Variants in ANK2 observed in about 807,000 individuals in gnomAD.
ANK2 encodes the protein ankyrin 2.
Under a neutral mutation model 360.5 loss-of-function variants are expected in ANK2, and 83 were observed. That is an observed-to-expected ratio of 0.23 (90% CI 0.19 to 0.28). The LOEUF is 0.28. Ranked by LOEUF, ANK2 falls within the 10% of genes least tolerant of loss-of-function variation. The pLI, the probability that ANK2 is intolerant of heterozygous loss-of-function variation, is 1.00. For synonymous variants in ANK2, 1,740 were observed against 1,759.5 expected (o/e 0.99, Z 0.28); for missense variants, 4,201 against 4,795.7 (o/e 0.88, Z 3.66).
chr4:112,886,159 C>T (rs1422397782), intron 1 of ANK2, among the ~76,000 whole-genome samples: 1 of 152,062 alleles, frequency 6.6e-6, no homozygotes, highest in Admixed American at 6.6e-5. Context: ...CTGATCTGCA[C>T]GTGTATAGGT....
intron 2 of ANK2, among the ~76,000 whole-genome samples, chr4:113,182,576 G>A (rs1054311998): frequency 2.6e-5 from 4 of 151,338 alleles, no homozygotes; most frequent in African/African-American, 7.3e-5. Flanking sequence ...CAGGGATGTA[G>A]GAGGAAAACC....
upstream of ANK2, among the ~76,000 whole-genome samples, chr4:112,814,913 G>C (rs1034741561): frequency 1.6e-4 from 25 of 152,162 alleles, no homozygotes; most frequent in African/African-American, 5.3e-4. Context: ...ACTGTATGGG[G>C]GGTGTTGGTA....
the ANK2 span, among the ~76,000 whole-genome samples, chr4:112,708,612 T>C: frequency 1.3e-5 from 2 of 152,276 alleles, no homozygotes; most frequent in South Asian, 2.1e-4. Context: ...CTAAAGATAA[T>C]GAAATGAAGA....
intron 38 of ANK2, among the ~76,000 whole-genome samples, chr4:113,360,518 G>A (rs1167630951): frequency 6.6e-6 from 1 of 151,944 alleles, no homozygotes; most frequent in Non-Finnish European, 1.5e-5. Flanking sequence ...GGTCTTCTTG[G>A]TGGGCAGTAT....
intron 1 of ANK2, among the ~76,000 whole-genome samples, chr4:113,154,724 C>T (rs1331863430): frequency 6.6e-6 from 1 of 152,112 alleles, no homozygotes; most frequent in Non-Finnish European, 1.5e-5. Flanking sequence ...TGTTTTGTAA[C>T]ATATACATAG....
chr4:112,774,966 A>T, the ANK2 span, among the ~76,000 whole-genome samples: 1 of 152,154 alleles, frequency 6.6e-6, no homozygotes, highest in Non-Finnish European at 1.5e-5. Context: ...ATTTTTAAAG[A>T]CTCAACTGAA....
intron 38 of ANK2, 54 bp downstream of exon 38, chr4:113,359,353 A>C (rs578091693): frequency 1.9e-6 from 3 of 1,604,134 alleles, no homozygotes; most frequent in East Asian, 4.5e-5. Flanking sequence ...AAATTGATAT[A>C]GTTTTTTTGT....
chr4:112,713,802 C>T, the ANK2 span, among the ~76,000 whole-genome samples: 1 of 151,750 alleles, frequency 6.6e-6, no homozygotes, highest in African/African-American at 2.4e-5. Context: ...GGCGTGGTGG[C>T]AGGCGCCTGT....
chr4:112,766,461 G>T, the ANK2 span, among the ~76,000 whole-genome samples: 1 of 152,102 alleles, frequency 6.6e-6, no homozygotes, highest in South Asian at 2.1e-4. Context: ...GAAAAATTCA[G>T]CTTATACTGG....
In ANK2 at chr4:113,257,213, TG is replaced by T. The variant is rs542305749; in HGVS notation, c.1189-836del. Among the ~76,000 whole-genome samples, 59 of 152,266 alleles carry T rather than the reference TG, an allele frequency of 3.9e-4. 1 individual carries two copies. In the South Asian group the frequency reaches 0.012, roughly 30 times the overall value. ...CAGAATAGACATAACAAAGGAACAT[TG>T]TTGAAATAAAAAAAATATATAATAC... On this transcript the variant is annotated intron_variant, in intron 11 of 45. Transcript: ENST00000357077.
intron 1 of ANK2, among the ~76,000 whole-genome samples, chr4:112,829,161 A>AAATG (rs2059115466): frequency 6.6e-6 from 1 of 152,148 alleles, no homozygotes. Context: ...TCAAAAATAT[A>AAATG]AATGAATGAG....
chr4:113,311,344 T>C lies in ANK2; in HGVS notation c.2638T>C (p.Phe880Leu), dbSNP rs966479952. Reference sequence around the variant, plus strand: ...TGATGACTCACTACCCAGCAGTCAGTTCCTGGATGGTATGAATTACCTGCG... The same window carrying C: ...TGATGACTCACTACCCAGCAGTCAGCTCCTGGATGGTATGAATTACCTGCG... ...LGDDSLPSSQ[F>L]LDGMNYLRYS... The change falls in exon 24 of 46, where the codon TTC becomes CTC. Residue 880 changes from phenylalanine to leucine, a missense_variant. Phe to Leu is a conservative substitution (Grantham distance 22). This residue lies in a region of ANK2 where 1,268 missense variants were observed against 1,650.8 expected (regional missense o/e 0.77). Transcript: ENST00000357077. The C allele has an allele frequency of 6.2e-7, 1 of 1,613,998 alleles. No homozygotes were observed. Among genetic ancestry groups the C allele is most frequent in the African/African-American group, 1.3e-5 (1 of 74,912 alleles).
chr4:112,932,606 G>A (rs768858206), intron 2 of ANK2, among the ~76,000 whole-genome samples: 3 of 150,614 alleles, frequency 2.0e-5, no homozygotes, highest in Non-Finnish European at 4.4e-5. Flanking sequence ...ATAAGTTTTA[G>A]TGTTAGTCCA....
chr4:113,216,006 A>G (rs1207083751), intron 4 of ANK2, among the ~76,000 whole-genome samples: 1 of 152,190 alleles, frequency 6.6e-6, no homozygotes, highest in Non-Finnish European at 1.5e-5. Context: ...ATAAAGGATT[A>G]TCTGCTTAGA....
intron 23 of ANK2, among the ~76,000 whole-genome samples, chr4:113,307,133 A>G (rs1010637298): frequency 1.3e-5 from 2 of 152,154 alleles, no homozygotes; most frequent in Non-Finnish European, 2.9e-5. Context: ...GCTTGTCCAT[A>G]TATCTCTGCT....
the ANK2 span, among the ~76,000 whole-genome samples, chr4:112,767,314 A>C: frequency 3.3e-5 from 5 of 152,092 alleles, no homozygotes; most frequent in African/African-American, 1.2e-4. Context: ...TAATCCTAGA[A>C]CTTTGGGAGG....
Position 113,343,130 on chromosome 4 carries a change from T to C in ANK2, c.4236T>C (p.Pro1412=), listed in dbSNP as rs1322739745. ...SFFAFKENRL[P]LFVKVRDTTQ... ...TTGCCTTCAAAGAAAATAGACTTCC[T>C]CTATTTGTCAAGGTAATATATACAT... is the stretch of plus-strand genomic sequence containing the variant. The change falls in exon 34 of 46, where the codon CCT becomes CCC. Residue 1412 remains proline (P), a synonymous_variant. Transcript: ENST00000357077. The C allele has an allele frequency of 6.2e-7, 1 of 1,613,630 alleles. No homozygotes were observed.
chr4:113,360,863 T>C lies in ANK2; in HGVS notation c.10722T>C (p.Ala3574=), dbSNP rs770574822. ...DEQERIEERL[A]YIADHLGFSW... ...AGGAACGGATCGAGGAAAGGCTGGC[T>C]TATATTGCTGATCACCTTGGCTTCA... Residue 3574 remains alanine (A), a synonymous_variant, in exon 39 of 46, where the codon GCT becomes GCC. Transcript: ENST00000357077. 1.2e-6 allele frequency: 2 copies of C among 1,612,882 alleles called. No individual in the cohort carries two copies. Among genetic ancestry groups the C allele is most frequent in the South Asian group, 2.2e-5 (2 of 90,972 alleles).
intron 2 of ANK2, among the ~76,000 whole-genome samples, chr4:113,005,052 T>C (rs1347346412): frequency 6.6e-6 from 1 of 152,172 alleles, no homozygotes; most frequent in Non-Finnish European, 1.5e-5. Context: ...TTCAACTACA[T>C]ATGAATCAAG....
Sources: gnomAD v4.1 joint callset for allele counts (sites outside exome capture counted in the v4.1 genomes callset) on GRCh38, gnomAD v4.1.1 for gene constraint, gnomAD v4.1.1 regional missense constraint, MANE v1.5 for transcripts, NCBI Gene and HGNC (gene_info 2026-07-23, HGNC 2026-07-21) for gene names.